The following SULF1 variants were observed in gnomAD, a reference collection of about 807,000 sequenced individuals.
SULF1 encodes the protein sulfatase 1.
Under a neutral mutation model 110.5 loss-of-function variants are expected in SULF1, and 46 were observed. The ratio of observed to expected loss-of-function variants is 0.42; its 90% CI spans 0.33 to 0.53. The LOEUF (loss-of-function observed/expected upper bound fraction) is 0.53, where lower values mean the gene tolerates loss of function less well. Ranked by LOEUF, SULF1 falls within the 20% of genes least tolerant of loss-of-function variation. The pLI, the probability that SULF1 is intolerant of heterozygous loss-of-function variation, is 0.12. For synonymous variants in SULF1, 371 were observed against 387.1 expected, an observed-to-expected ratio of 0.96 and a Z score of 0.49; for missense variants, 941 against 1,094.2, an observed-to-expected ratio of 0.86 and a Z score of 1.98.
chr8:69,591,489 G>A (rs1382956092), intron 8 of SULF1, among the ~76,000 whole-genome samples: 4 of 151,662 alleles, frequency 2.6e-5, no homozygotes, highest in African/African-American at 4.8e-5. Flanking sequence ...GCATGAACCC[G>A]GGAGGCGGAG....
intron 3 of SULF1, among the ~76,000 whole-genome samples, chr8:69,545,397 G>A (rs1199501803): frequency 4.6e-5 from 7 of 152,148 alleles, no homozygotes; most frequent in Admixed American, 3.9e-4. Flanking sequence ...TTGGGTATTT[G>A]ACTACACATA....
At chr8:69,564,655 A>G (rs1049065373) in intron 5 of SULF1, among the ~76,000 whole-genome samples, 2 of 152,212 alleles carry the variant, frequency 1.3e-5, no homozygotes, top group African/African-American at 4.8e-5. Flanking sequence ...GAATCCACTT[A>G]CTACTACCTT....
chr8:69,540,846 G>A (rs1648334291), intron 3 of SULF1, among the ~76,000 whole-genome samples: 2 of 152,242 alleles, frequency 1.3e-5, no homozygotes, highest in South Asian at 4.1e-4. Context: ...CACAAGACCT[G>A]TCAAATTCTA....
At chr8:69,474,209 A>G (rs1002693877) in intron 1 of SULF1, among the ~76,000 whole-genome samples, 2 of 152,214 alleles carry the variant, frequency 1.3e-5, no homozygotes, top group Non-Finnish European at 2.9e-5. Context: ...TATTAGCTAT[A>G]CCAGAATTAT....
chr8:69,512,290 G>A (rs1352830831), intron 3 of SULF1, among the ~76,000 whole-genome samples: 2 of 152,102 alleles, frequency 1.3e-5, no homozygotes, highest in Admixed American at 6.6e-5. Context: ...CCTCTTGAGC[G>A]AGTATTGTAG....
intron 3 of SULF1, among the ~76,000 whole-genome samples, chr8:69,506,725 G>C (rs577234824): frequency 6.6e-6 from 1 of 152,286 alleles, no homozygotes; most frequent in African/African-American, 2.4e-5. Context: ...CTTTGCTCTT[G>C]CCATAATGAT....
At position 69,607,946 on chromosome 8, in the gene SULF1, T is replaced by TTTTGA. The variant is rs527384041; in HGVS notation, c.1377+3015_1377+3019dup. ...TTCATTCCAAGGCAACACAGTCAGGTTTTGACACTCCATGGGGAACAAAGG... is the reference window on the plus strand; with the variant it reads ...TTCATTCCAAGGCAACACAGTCAGGTTTTGATTTGACACTCCATGGGGAACAAAGG... On this transcript the variant is annotated intron_variant, in intron 13 of 22. Coordinates refer to ENST00000402687, the MANE Select transcript of SULF1 (RefSeq NM_001128205.2). Among the ~76,000 whole-genome samples the TTTTGA allele has an allele frequency of 7.2e-4, 110 of 152,214 alleles. 1 individual carries two copies. The East Asian group carries it at 0.016, about 22-fold the overall frequency.
chr8:69,561,024 G>A (rs149877655), intron 3 of SULF1, among the ~76,000 whole-genome samples: 8 of 152,286 alleles, frequency 5.3e-5, no homozygotes, highest in African/African-American at 1.9e-4. Context: ...AGTGAGACAG[G>A]AGGAATAAAC....
At chr8:69,538,189 T>C (rs978776402) in intron 3 of SULF1, among the ~76,000 whole-genome samples, 4 of 152,084 alleles carry the variant, frequency 2.6e-5, no homozygotes, top group Admixed American at 2.0e-4. Flanking sequence ...CAAATACTTT[T>C]ATACTTTTTT....
chr8:69,530,336 T>C (rs142120886), intron 3 of SULF1, among the ~76,000 whole-genome samples: 1 of 152,322 alleles, frequency 6.6e-6, no homozygotes, highest in African/African-American at 2.4e-5. Context: ...ATTTTTTAGA[T>C]GCCTACTGAT....
intron 19 of SULF1, chr8:69,638,102 GA>G (rs1445635310): frequency 1.6e-5 from 3 of 191,932 alleles, no homozygotes; most frequent in African/African-American, 7.2e-5. Flanking sequence ...TAGAACAAGT[GA>G]GAGTACTAGT....
intron 22 of SULF1, among the ~76,000 whole-genome samples, chr8:69,643,103 T>C (rs540027203): frequency 1.3e-5 from 2 of 152,216 alleles, no homozygotes; most frequent in Admixed American, 6.5e-5. Context: ...TCATAGTCCA[T>C]AGGGCAAGCC....
At chr8:69,642,891 C>A (rs1469492302) in intron 22 of SULF1, among the ~76,000 whole-genome samples, 2 of 152,210 alleles carry the variant, frequency 1.3e-5, no homozygotes, top group Non-Finnish European at 2.9e-5. Context: ...CCTGCCACCA[C>A]CACTCAATCG....
chr8:69,619,730 G>A (rs918934960), intron 13 of SULF1, among the ~76,000 whole-genome samples: 1 of 152,232 alleles, frequency 6.6e-6, no homozygotes. Flanking sequence ...TGCAACAGGG[G>A]TGTGGCATGC....
chr8:69,573,705 A>T (rs920213366), intron 5 of SULF1, among the ~76,000 whole-genome samples: 1 of 152,162 alleles, frequency 6.6e-6, no homozygotes, highest in African/African-American at 2.4e-5. Context: ...CCCTCTTTCC[A>T]CTTCTACATC....
At chr8:69,592,951 G>T (rs536036082) in intron 8 of SULF1, 144 of 987,288 alleles carry the variant, frequency 1.5e-4, no homozygotes, top group Non-Finnish European at 1.7e-4. Flanking sequence ...TCTGGACTGT[G>T]TTATCTTTTC....
intron 5 of SULF1, among the ~76,000 whole-genome samples, chr8:69,574,793 C>T (rs898690946): frequency 6.6e-6 from 1 of 152,186 alleles, no homozygotes; most frequent in Non-Finnish European, 1.5e-5. Flanking sequence ...AGGATTGCTC[C>T]TAGCCGAGGC....
chr8:69,626,879 G>C (rs1810108844), intron 15 of SULF1, among the ~76,000 whole-genome samples: 1 of 152,246 alleles, frequency 6.6e-6, no homozygotes, highest in Non-Finnish European at 1.5e-5. Flanking sequence ...CAAGCTGAGG[G>C]AGCCGGCACT....
At chr8:69,469,654 A>C (rs2150528269) in intron 1 of SULF1, among the ~76,000 whole-genome samples, 1 of 152,324 alleles carries the variant, frequency 6.6e-6, no homozygotes, top group East Asian at 1.9e-4. Context: ...GGCAAATGGG[A>C]CATTTCCTAT....
Sources: allele counts gnomAD v4.1 joint callset (sites outside exome capture counted in the v4.1 genomes callset), GRCh38; gene constraint gnomAD v4.1.1; transcripts MANE v1.5; gene names NCBI Gene and HGNC (gene_info 2026-07-23, HGNC 2026-07-21).